ELMO1: variants seen among roughly 807,000 people sequenced by gnomAD.
ELMO1 encodes the protein engulfment and cell motility 1.
A neutral mutation model predicts 98.9 loss-of-function variants in ELMO1; 26 were observed. The ratio of observed to expected loss-of-function variants is 0.26; its 90% CI spans 0.19 to 0.36. The LOEUF (loss-of-function observed/expected upper bound fraction) is 0.36. Among genes scored for constraint, ELMO1 ranks in the 10% least tolerant of loss-of-function variants. The pLI, the probability that ELMO1 is intolerant of heterozygous loss-of-function variation, is 1.00. For missense variants in ELMO1, 627 were observed against 935.2 expected, an observed-to-expected ratio of 0.67 and a Z score of 4.30; for synonymous variants, 346 against 346.0, an observed-to-expected ratio of 1.00 and a Z score of 0.00.
intron 1 of ELMO1, chr7:37,343,010 C>A (rs760310646): frequency 3.4e-6 from 1 of 292,958 alleles, no homozygotes; most frequent in Non-Finnish European, 6.4e-6. Context: ...CTGTGGGGCA[C>A]GGCTTGCGCG....
intron 15 of ELMO1, among the ~76,000 whole-genome samples, chr7:37,024,235 G>C (rs561305535): frequency 6.6e-6 from 1 of 152,268 alleles, no homozygotes; most frequent in African/African-American, 2.4e-5. Context: ...CTTATTATCT[G>C]TGTGACCTTG....
intron 1 of ELMO1, among the ~76,000 whole-genome samples, chr7:37,350,103 G>A (rs948999289): frequency 3.9e-5 from 6 of 152,104 alleles, no homozygotes; most frequent in African/African-American, 7.3e-5. Context: ...TCAGGTTCCC[G>A]TATCAGGGAC....
chr7:37,298,201 A>G (rs1798146929), intron 4 of ELMO1, among the ~76,000 whole-genome samples: 1 of 151,910 alleles, frequency 6.6e-6, no homozygotes, highest in Non-Finnish European at 1.5e-5. Flanking sequence ...TACAGTGCTG[A>G]CAAGTCTAGA....
intron 18 of ELMO1, among the ~76,000 whole-genome samples, chr7:36,882,131 A>G (rs1804516679): frequency 6.6e-6 from 1 of 152,194 alleles, no homozygotes; most frequent in Non-Finnish European, 1.5e-5. Flanking sequence ...CTTTGTTTTG[A>G]GTGCAGAGCC....
At chr7:37,372,929 A>G (rs1402312497) in intron 1 of ELMO1, among the ~76,000 whole-genome samples, 1 of 152,220 alleles carries the variant, frequency 6.6e-6, no homozygotes, top group Admixed American at 6.5e-5. Context: ...CAGGCTCTTA[A>G]TGATGGTAAA....
chr7:37,115,545 A>C (rs78381975), intron 14 of ELMO1, among the ~76,000 whole-genome samples: 1 of 151,548 alleles, frequency 6.6e-6, no homozygotes, highest in South Asian at 2.1e-4. Flanking sequence ...AAAATCTAAC[A>C]CTCATTCATG....
Position 37,171,483 on chromosome 7 carries a change from A to ATTTTTTTTTTT in ELMO1, c.1087-38260_1087-38250dup, listed in dbSNP as rs71780142. Reference sequence around the variant, plus strand: ...TTTATTCTTGTAACCAGGCCTTTCTATTTTTTTTTTTTTTTTTTTTTTTTT... The same window carrying ATTTTTTTTTTT: ...TTTATTCTTGTAACCAGGCCTTTCTATTTTTTTTTTTTTTTTTTTTTTTTTTTTTTTTTTTT... On this transcript the variant is annotated intron_variant, in intron 13 of 21. Transcript: ENST00000310758. Among the ~76,000 whole-genome samples the ATTTTTTTTTTT allele has an allele frequency of 2.8e-4, 23 of 82,944 alleles. 5 individuals are homozygous for ATTTTTTTTTTT. Among genetic ancestry groups the ATTTTTTTTTTT allele is most frequent in the Admixed American group, 1.2e-3 (6 of 4,986 alleles). 54.4% of individuals were successfully genotyped at this position (82,944 alleles called of 152,430 possible). A position where few individuals can be genotyped will look rare whatever the true frequency, so the allele number is the denominator to read the frequency against.
intron 16 of ELMO1, among the ~76,000 whole-genome samples, chr7:36,931,683 A>G (rs1163376315): frequency 6.6e-6 from 1 of 152,244 alleles, no homozygotes; most frequent in Non-Finnish European, 1.5e-5. Flanking sequence ...TTAAATTATA[A>G]GCACGTGGCC....
At chr7:37,266,608 T>C (rs554322584) in intron 5 of ELMO1, among the ~76,000 whole-genome samples, 5 of 152,328 alleles carry the variant, frequency 3.3e-5, no homozygotes, top group African/African-American at 1.2e-4. Flanking sequence ...TCTTGACATG[T>C]TTTTAGCATA....
At chr7:37,341,466 T>C (rs2131255004) in intron 2 of ELMO1, among the ~76,000 whole-genome samples, 1 of 152,360 alleles carries the variant, frequency 6.6e-6, no homozygotes, top group East Asian at 1.9e-4. Flanking sequence ...TCTGTTTGTA[T>C]AGGTTCCTTC....
In ELMO1 at chr7:36,899,684, C is replaced by CTTTTTTTTTTT. The variant is rs10522661; in HGVS notation, c.1438-4678_1438-4668dup. On this transcript the variant is annotated intron_variant, in intron 16 of 21. Transcript: ENST00000310758. ...ACTCATTTTTACTATCTTTACTCAT[C>CTTTTTTTTTTT]TTTTTTTTTTTTTTTTACCACTCCT... Among the ~76,000 whole-genome samples, 47 of 63,676 alleles carry CTTTTTTTTTTT rather than the reference C, an allele frequency of 7.4e-4. 10 individuals carry two copies. In the South Asian group the frequency reaches 0.02, roughly 27 times the overall value. 41.8% of individuals were successfully genotyped at this position (63,676 alleles called of 152,430 possible). A position where few individuals can be genotyped will look rare whatever the true frequency, so the allele number is the denominator to read the frequency against.
At chr7:37,159,632 G>C (rs1789058188) in intron 13 of ELMO1, among the ~76,000 whole-genome samples, 1 of 152,146 alleles carries the variant, frequency 6.6e-6, no homozygotes, top group African/African-American at 2.4e-5. Context: ...CCAGGAGGCA[G>C]AGGTTGCTGT....
At chr7:37,237,929 AC>A (rs1456261643) in intron 7 of ELMO1, among the ~76,000 whole-genome samples, 1 of 152,198 alleles carries the variant, frequency 6.6e-6, no homozygotes, top group Non-Finnish European at 1.5e-5. Context: ...CCAATATCAG[AC>A]CATCTTGATA....
Position 36,870,793 on chromosome 7 carries a change from T to C in ELMO1, c.1823-318A>G, listed in dbSNP as rs1439297703. Among the ~76,000 whole-genome samples the C allele has an allele frequency of 1.3e-5, 2 of 152,190 alleles. No individual in the cohort carries two copies. Among genetic ancestry groups the C allele is most frequent in the African/African-American group, 4.8e-5 (2 of 41,448 alleles). On this transcript the variant is annotated intron_variant, in intron 19 of 21. Coordinates refer to ENST00000310758, the MANE Select transcript of ELMO1 (RefSeq NM_014800.11). This position sits in a 1 kb window ranked among gnomAD's most constrained non-coding sequence, Gnocchi z 4.4. ...GAAGTCATGGCATTAGAAGCAGCAG[T>C]AGAAATAACAGTGATTGTAATAACA...
intron 1 of ELMO1, among the ~76,000 whole-genome samples, chr7:37,425,601 A>G (rs979487788): frequency 6.6e-6 from 1 of 152,240 alleles, no homozygotes; most frequent in Non-Finnish European, 1.5e-5. Flanking sequence ...TAATGACATA[A>G]GCTCTGCCAA....
chr7:36,942,849 G>C (rs1032561516), intron 16 of ELMO1, among the ~76,000 whole-genome samples: 1 of 152,132 alleles, frequency 6.6e-6, no homozygotes, highest in African/African-American at 2.4e-5. Flanking sequence ...AGTACAGAAA[G>C]GCCTTTCTCA....
chr7:37,363,516 C>G (rs1361192829), intron 1 of ELMO1, among the ~76,000 whole-genome samples: 1 of 152,094 alleles, frequency 6.6e-6, no homozygotes, highest in Non-Finnish European at 1.5e-5. Flanking sequence ...TCACCTCATT[C>G]CTCTCTCCTA....
rs1800769535 is a variant in ELMO1 at position 37,342,520 on chromosome 7, G to A, written c.78+93C>T. 4 of 1,274,560 alleles carry A rather than the reference G, an allele frequency of 3.1e-6. No homozygotes were observed. The highest frequency in any genetic ancestry group is 1.7e-5 in the Admixed American group (1 of 58,122). The allele number at this position is 1,274,560 out of a possible 1,614,324, so 79.0% of individuals were successfully genotyped here. A position where few individuals can be genotyped will look rare whatever the true frequency, so the allele number is the denominator to read the frequency against. On this transcript the variant is annotated intron_variant, in intron 2 of 21. Coordinates refer to ENST00000310758, the MANE Select transcript of ELMO1 (RefSeq NM_014800.11). This position sits in a 1 kb window ranked among gnomAD's most constrained non-coding sequence, Gnocchi z 4.3. ...AGATTTTTCAACACAGCTAGAGAGAGAAAGGGAGAAGAGTGAGCTATCCAA... is the reference window on the plus strand; with the variant it reads ...AGATTTTTCAACACAGCTAGAGAGAAAAAGGGAGAAGAGTGAGCTATCCAA...
chr7:37,214,393 ACTT>A (rs778347433), intron 11 of ELMO1, among the ~76,000 whole-genome samples: 37 of 152,082 alleles, frequency 2.4e-4, no homozygotes, highest in Non-Finnish European at 5.3e-4. Context: ...CTGCAAACCA[ACTT>A]CTAAGTGGCC....
Sources: allele counts gnomAD v4.1 joint callset (sites outside exome capture counted in the v4.1 genomes callset), GRCh38; gene constraint gnomAD v4.1.1; non-coding constraint Gnocchi (gnomAD v3.1); transcripts MANE v1.5; gene names NCBI Gene and HGNC (gene_info 2026-07-23, HGNC 2026-07-21).